The following PCDHGA1 variants were observed in gnomAD, a reference collection of about 807,000 sequenced individuals.
PCDHGA1 encodes protocadherin gamma subfamily A, 1, also known as protocadherin gamma-A1.
PCDHGA1 carries 32 observed loss-of-function variants against 58.0 expected under a neutral mutation model. That is an observed-to-expected ratio of 0.55 (90% CI 0.42 to 0.74). PCDHGA1 has a LOEUF of 0.74. PCDHGA1 is among the 30% of genes least tolerant of loss of function. The pLI is 0.00. For synonymous variants in PCDHGA1, 498 were observed against 501.1 expected, an observed-to-expected ratio of 0.99 and a Z score of 0.08; for missense variants, 1,205 against 1,182.3, an observed-to-expected ratio of 1.02 and a Z score of -0.28.
chr5:141,365,680 C>A (rs1281360154), intron 1 of PCDHGA1: 1 of 1,613,514 alleles, frequency 6.2e-7, no homozygotes, highest in South Asian at 1.1e-5. Flanking sequence ...ACAACCCACC[C>A]AATTTCCCTC....
At chr5:141,366,418 A>C (rs371439517) in intron 1 of PCDHGA1, 1 of 1,614,106 alleles carries the variant, frequency 6.2e-7, no homozygotes, top group East Asian at 2.2e-5. Context: ...TTGTGGTGGC[A>C]GTGGCTGCAG....
chr5:141,404,244 C>A (rs1164182551), intron 1 of PCDHGA1: 2 of 1,613,758 alleles, frequency 1.2e-6, no homozygotes, highest in East Asian at 2.2e-5. Context: ...GGAACTCCGC[C>A]CCTGTCCACA....
Position 141,456,380 on chromosome 5 carries a change from C to T in PCDHGA1, c.2422-38427C>T, listed in dbSNP as rs186993611. ...CCATGTGTGGTTCAGTTTACAGCAC[C>T]GTTTGGAGTTTGATTGCTTCTAGGC... is the stretch of plus-strand genomic sequence containing the variant. On this transcript the variant is annotated intron_variant, in intron 1 of 3. Coordinates refer to ENST00000517417, the MANE Select transcript of PCDHGA1 (RefSeq NM_018912.3). Among the ~76,000 whole-genome samples, 427 of 152,082 alleles carry T rather than the reference C, an allele frequency of 2.8e-3. 1 individual carries two copies. Among genetic ancestry groups the T allele is most frequent in the Non-Finnish European group, 2.7e-3 (184 of 68,004 alleles).
chr5:141,415,507 A>G, intron 1 of PCDHGA1: 1 of 1,614,156 alleles, frequency 6.2e-7, no homozygotes, highest in Admixed American at 1.7e-5. Context: ...CCCCCAGCCC[A>G]ATTATGCGGA....
intron 1 of PCDHGA1, chr5:141,441,637 C>T (rs1200679247): frequency 4.4e-6 from 1 of 228,574 alleles, no homozygotes; most frequent in South Asian, 4.8e-5. Context: ...GAGCCACAGG[C>T]GCTGTGATTC....
chr5:141,393,900 G>C (rs1048161107), intron 1 of PCDHGA1: 1 of 1,613,906 alleles, frequency 6.2e-7, no homozygotes, highest in Non-Finnish European at 8.5e-7. Context: ...TTCTCTTCCC[G>C]GGACAGTAAT....
Position 141,431,135 on chromosome 5 carries a change from A to C in PCDHGA1, c.2422-63672A>C. ...TGGAGTAGAAGTAGAAGTAAGGGAC[A>C]TTAACGACAATGCGCCTTACTTTCG... On this transcript the variant is annotated intron_variant, in intron 1 of 3. Coordinates refer to ENST00000517417, the MANE Select transcript of PCDHGA1 (RefSeq NM_018912.3). The surrounding 1 kb of genome is among the most constrained non-coding windows in gnomAD (Gnocchi z 4.8). 1 of 1,614,266 alleles carries C rather than the reference A, an allele frequency of 6.2e-7. No homozygotes were observed. Among genetic ancestry groups the C allele is most frequent in the Non-Finnish European group, 8.5e-7 (1 of 1,180,042 alleles).
intron 1 of PCDHGA1, chr5:141,357,043 G>A: frequency 6.8e-6 from 11 of 1,614,048 alleles, no homozygotes; most frequent in Non-Finnish European, 9.3e-6. Context: ...CAGCGAGCCG[G>A]GACTATTTGC....
chr5:141,419,842 C>A, intron 1 of PCDHGA1: 1 of 1,614,074 alleles, frequency 6.2e-7, no homozygotes, highest in South Asian at 1.1e-5. Flanking sequence ...CCACGCTGCA[C>A]CTGGTGTTCG....
At chr5:141,470,242 T>C (rs1301513342) in intron 1 of PCDHGA1, among the ~76,000 whole-genome samples, 1 of 152,344 alleles carries the variant, frequency 6.6e-6, no homozygotes, top group South Asian at 2.1e-4. Flanking sequence ...CCCTTGAATG[T>C]CCCACCTGTC....
intron 3 of PCDHGA1, among the ~76,000 whole-genome samples, chr5:141,505,926 G>T (rs114056147): frequency 6.6e-6 from 1 of 152,146 alleles, no homozygotes; most frequent in African/African-American, 2.4e-5. Flanking sequence ...TGGGCCTGGC[G>T]CTTGGAAGCC....
At chr5:141,389,325 C>T (rs368804822) in intron 1 of PCDHGA1, 6 of 1,613,886 alleles carry the variant, frequency 3.7e-6, no homozygotes, top group Admixed American at 3.3e-5. Flanking sequence ...GGACTTGGGG[C>T]CCAACGGCCA....
chr5:141,440,818 C>T (rs906112291), intron 1 of PCDHGA1: 2 of 152,124 alleles, frequency 1.3e-5, no homozygotes, highest in Non-Finnish European at 2.9e-5. Flanking sequence ...TCACTCAACT[C>T]CTGATCCTAT....
chr5:141,403,217 A>G (rs763517467), intron 1 of PCDHGA1: 10 of 1,613,810 alleles, frequency 6.2e-6, no homozygotes, highest in East Asian at 2.2e-5. Context: ...CACCGCGGGT[A>G]GGATAGACCG....
rs768423100 is a variant in PCDHGA1 at position 141,332,959 on chromosome 5, C to G, written c.2275C>G (p.Leu759Val). The change falls in exon 1 of 4, where the codon CTC becomes GTC. Residue 759 changes from leucine to valine, a missense_variant. By Grantham distance (32) the Leu-to-Val change is conservative (BLOSUM62 1). Coordinates refer to ENST00000517417, the MANE Select transcript of PCDHGA1 (RefSeq NM_018912.3). The surrounding 1 kb of genome is among the most constrained non-coding windows in gnomAD (Gnocchi z 4.6). The part of the protein sequence containing the change: ...FLQTYSHEVS[L>V]TADSRKSHLI... ...GCAGACCTATTCCCACGAGGTCTCC[C>G]TCACTGCGGACTCGCGGAAGAGCCA... 2 of 1,614,204 alleles carry G rather than the reference C, an allele frequency of 1.2e-6. No individual in the cohort carries two copies. The highest frequency in any genetic ancestry group is 1.7e-6 in the Non-Finnish European group (2 of 1,180,046).
intron 1 of PCDHGA1, chr5:141,384,038 G>T: frequency 6.2e-7 from 1 of 1,613,110 alleles, no homozygotes; most frequent in South Asian, 1.1e-5. Flanking sequence ...GGAAAGAATG[G>T]TGAGGTGACC....
chr5:141,353,605 T>A (rs1428740410), intron 1 of PCDHGA1, among the ~76,000 whole-genome samples: 1 of 152,240 alleles, frequency 6.6e-6, no homozygotes, highest in East Asian at 1.9e-4. Flanking sequence ...TTCTTAACCA[T>A]TCCTAAATTA....
At chr5:141,341,298 C>T (rs535752252) in intron 1 of PCDHGA1, 3 of 1,614,238 alleles carry the variant, frequency 1.9e-6, no homozygotes, top group Non-Finnish European at 2.5e-6. Flanking sequence ...CCCAACTATG[C>T]GGACACGCTC....
At chr5:141,440,551 T>C (rs1220901075) in intron 1 of PCDHGA1, 2 of 152,350 alleles carry the variant, frequency 1.3e-5, no homozygotes, top group East Asian at 1.9e-4. Context: ...GCAGGAATGT[T>C]ATTAAGTTAC....
Sources: allele counts gnomAD v4.1 joint callset (sites outside exome capture counted in the v4.1 genomes callset), GRCh38; gene constraint gnomAD v4.1.1; non-coding constraint Gnocchi (gnomAD v3.1); transcripts MANE v1.5; gene names NCBI Gene and HGNC (gene_info 2026-07-23, HGNC 2026-07-21).